Variants in CDH18 observed in about 807,000 individuals in gnomAD.
The protein encoded by CDH18 is cadherin 18, also known as cadherin-18.
In CDH18, 31 loss-of-function variants were observed where a neutral mutation model predicts 67.9. The ratio of observed to expected loss-of-function variants is 0.46; its 90% CI spans 0.34 to 0.62. The LOEUF (loss-of-function observed/expected upper bound fraction) is 0.62. Ranked by LOEUF, CDH18 falls within the 20% of genes least tolerant of loss-of-function variation. The pLI is 0.01. For synonymous variants in CDH18, 362 were observed against 347.2 expected (o/e 1.04, Z -0.48); for missense variants, 890 against 975.5 (o/e 0.91, Z 1.17).
chr5:19,796,022 A>G (rs1776818094), intron 3 of CDH18, among the ~76,000 whole-genome samples: 1 of 152,126 alleles, frequency 6.6e-6, no homozygotes, highest in Admixed American at 6.5e-5. Context: ...GAACAGAACA[A>G]TAAAGTTCAC....
At chr5:20,502,408 T>C (rs1007866171) in intron 1 of CDH18, among the ~76,000 whole-genome samples, 4 of 152,172 alleles carry the variant, frequency 2.6e-5, no homozygotes, top group Non-Finnish European at 1.5e-5. Context: ...CATTAGTTCA[T>C]GTCTTAATGA....
intron 2 of CDH18, among the ~76,000 whole-genome samples, chr5:20,189,324 TG>T (rs1427956000): frequency 6.6e-6 from 1 of 152,122 alleles, no homozygotes; most frequent in East Asian, 1.9e-4. Context: ...AATTTAGATG[TG>T]GATGGACAAC....
chr5:20,054,794 G>T (rs1741760094), intron 2 of CDH18, among the ~76,000 whole-genome samples: 1 of 152,092 alleles, frequency 6.6e-6, no homozygotes, highest in Non-Finnish European at 1.5e-5. Flanking sequence ...CAAAAGTATG[G>T]CTTTTTCAAA....
At chr5:20,428,645 G>A (rs187324968) in intron 1 of CDH18, among the ~76,000 whole-genome samples, 5 of 152,116 alleles carry the variant, frequency 3.3e-5, no homozygotes, top group South Asian at 2.1e-4. Flanking sequence ...TTTAACTGGC[G>A]TGAGATGGTA....
chr5:19,757,792 T>C (rs887410343), intron 3 of CDH18, among the ~76,000 whole-genome samples: 16 of 152,204 alleles, frequency 1.1e-4, no homozygotes, highest in Admixed American at 2.0e-4. Context: ...AATCAGTAGA[T>C]AATCACACAT....
chr5:20,114,789 C>T (rs1747751813), intron 2 of CDH18, among the ~76,000 whole-genome samples: 1 of 152,094 alleles, frequency 6.6e-6, no homozygotes, highest in African/African-American at 2.4e-5. Flanking sequence ...CAGCCCATTT[C>T]CTGCCCTCCC....
intron 9 of CDH18, among the ~76,000 whole-genome samples, chr5:19,535,789 G>A (rs1028547144): frequency 6.6e-5 from 10 of 152,104 alleles, no homozygotes; most frequent in African/African-American, 2.4e-4. Flanking sequence ...TGTAAATTCT[G>A]GAAATAGCAG....
At chr5:19,945,992 T>C (rs1050911572) in intron 2 of CDH18, among the ~76,000 whole-genome samples, 2 of 151,754 alleles carry the variant, frequency 1.3e-5, no homozygotes, top group Admixed American at 6.6e-5. Context: ...AAATATGTAA[T>C]ACATCAAGAA....
Position 20,158,231 on chromosome 5 carries a change from T to C in CDH18, c.-518+97213A>G, listed in dbSNP as rs138747978. Among the ~76,000 whole-genome samples the C allele has an allele frequency of 1.5e-4, 23 of 152,310 alleles. No individual in the cohort carries two copies. The East Asian group carries it at 4.2e-3, about 28-fold the overall frequency. On this transcript the variant is annotated intron_variant, in intron 2 of 14. Transcript: ENST00000507958. ...TTGCTGACTTGTTCTTTATTATTTA[T>C]GTCAGGAGGTTAGAACAAGAGAAAA...
chr5:20,208,729 A>G (rs957584269), intron 2 of CDH18, among the ~76,000 whole-genome samples: 95 of 152,212 alleles, frequency 6.2e-4, no homozygotes, highest in African/African-American at 2.1e-3. Context: ...ATGGGATTAC[A>G]TCATGGTAAA....
chr5:20,188,965 A>C (rs943231475), intron 2 of CDH18, among the ~76,000 whole-genome samples: 6 of 151,690 alleles, frequency 4.0e-5, no homozygotes, highest in African/African-American at 1.2e-4. Flanking sequence ...GCACTGATCC[A>C]CATGACTTCT....
At chr5:20,395,343 A>G (rs973017164) in intron 1 of CDH18, among the ~76,000 whole-genome samples, 1 of 152,192 alleles carries the variant, frequency 6.6e-6, no homozygotes, top group African/African-American at 2.4e-5. Flanking sequence ...CTCAGGGGTG[A>G]AAAACCAAAT....
intron 8 of CDH18, among the ~76,000 whole-genome samples, chr5:19,555,119 T>G (rs976943600): frequency 2.0e-5 from 3 of 152,188 alleles, no homozygotes; most frequent in Non-Finnish European, 4.4e-5. Flanking sequence ...CTTCAGACGT[T>G]GTATGACTAG....
chr5:20,068,931 C>A (rs924172800), intron 2 of CDH18, among the ~76,000 whole-genome samples: 1 of 152,056 alleles, frequency 6.6e-6, no homozygotes, highest in Non-Finnish European at 1.5e-5. Context: ...TTACTAAAAT[C>A]ATTTTATCAC....
chr5:19,551,389 A>G (rs1328017657), intron 8 of CDH18, among the ~76,000 whole-genome samples: 1 of 152,196 alleles, frequency 6.6e-6, no homozygotes, highest in Non-Finnish European at 1.5e-5. Flanking sequence ...TGTGAATATT[A>G]TATCAAGCCA....
chr5:19,495,194 C>T (rs770202444), intron 11 of CDH18, among the ~76,000 whole-genome samples: 17 of 152,122 alleles, frequency 1.1e-4, no homozygotes, highest in Non-Finnish European at 1.8e-4. Flanking sequence ...GGGTTCTAAC[C>T]CAATTTAATT....
At chr5:20,171,345 T>A (rs1736691772) in intron 2 of CDH18, among the ~76,000 whole-genome samples, 1 of 152,108 alleles carries the variant, frequency 6.6e-6, no homozygotes, top group Non-Finnish European at 1.5e-5. Context: ...AGTGTATAAG[T>A]GTTCCTGTTT....
intron 9 of CDH18, among the ~76,000 whole-genome samples, chr5:19,526,814 C>T (rs1406090752): frequency 6.6e-6 from 1 of 151,742 alleles, no homozygotes; most frequent in East Asian, 1.9e-4. Context: ...GATTATTTTC[C>T]TAAAATGTGC....
At chr5:19,842,350 G>A (rs1782421936) in intron 2 of CDH18, among the ~76,000 whole-genome samples, 3 of 152,256 alleles carry the variant, frequency 2.0e-5, no homozygotes, top group South Asian at 4.1e-4. Context: ...ATTGGATCAT[G>A]GGGGCTGCTC....
Sources: allele counts gnomAD v4.1 joint callset (sites outside exome capture counted in the v4.1 genomes callset), GRCh38; gene constraint gnomAD v4.1.1; transcripts MANE v1.5; gene names NCBI Gene and HGNC (gene_info 2026-07-23, HGNC 2026-07-21).